Variants in GSG1L observed in about 807,000 individuals in gnomAD.
The protein encoded by GSG1L is GSG1 like, also known as germ cell-specific gene 1-like protein.
A neutral mutation model predicts 42.1 loss-of-function variants in GSG1L; 24 were observed. That is an observed-to-expected ratio of 0.57 (90% CI 0.41 to 0.80). The LOEUF (loss-of-function observed/expected upper bound fraction) is 0.80. Among genes scored for constraint, GSG1L ranks in the 30% least tolerant of loss-of-function variants. The probability of loss-of-function intolerance (pLI) is 0.00; values close to 1 mark genes in which losing one functional copy is unlikely to be tolerated. For missense variants in GSG1L, 445 were observed against 472.2 expected (o/e 0.94, Z 0.53); for synonymous variants, 215 against 203.5 (o/e 1.06, Z -0.48).
chr16:28,002,971 A>G (rs1030006700), intron 1 of GSG1L, among the ~76,000 whole-genome samples: 3 of 152,178 alleles, frequency 2.0e-5, no homozygotes, highest in Non-Finnish European at 4.4e-5. Flanking sequence ...AAACAAAAAA[A>G]GATCCAGGGG....
chr16:27,992,954 A>C (rs1189092889), intron 1 of GSG1L, among the ~76,000 whole-genome samples: 1 of 152,214 alleles, frequency 6.6e-6, no homozygotes, highest in African/African-American at 2.4e-5. Context: ...GAAAATAATA[A>C]CAGCTAATGT....
intron 3 of GSG1L, among the ~76,000 whole-genome samples, chr16:27,867,377 G>A (rs2083741492): frequency 6.6e-6 from 1 of 152,202 alleles, no homozygotes; most frequent in African/African-American, 2.4e-5. Flanking sequence ...TGAGATGCCT[G>A]AGTAAAGGAC....
At chr16:28,007,213 T>C (rs1259335154) in intron 1 of GSG1L, among the ~76,000 whole-genome samples, 1 of 152,096 alleles carries the variant, frequency 6.6e-6, no homozygotes, top group Non-Finnish European at 1.5e-5. Context: ...ATTATCCAGG[T>C]GGGTCCGAAG....
intron 2 of GSG1L, among the ~76,000 whole-genome samples, chr16:27,888,511 CT>C (rs1407385375): frequency 7.1e-5 from 1 of 14,128 alleles, no homozygotes; most frequent in African/African-American, 2.2e-4. Context: ...TTCTTTCTTT[CT>C]TTCTTTCTTT....
chr16:27,923,300 C>T (rs755849956), intron 2 of GSG1L, among the ~76,000 whole-genome samples: 9 of 152,152 alleles, frequency 5.9e-5, no homozygotes, highest in East Asian at 1.9e-4. Flanking sequence ...CCCTGTACCC[C>T]GAGAAGGCTC....
At chr16:27,924,952 C>T (rs928172016) in intron 2 of GSG1L, among the ~76,000 whole-genome samples, 11 of 152,308 alleles carry the variant, frequency 7.2e-5, no homozygotes, top group South Asian at 4.1e-4. Flanking sequence ...CCGGATCACA[C>T]GCCTACTTCT....
intron 4 of GSG1L, among the ~76,000 whole-genome samples, chr16:27,842,444 G>C (rs970403061): frequency 6.6e-6 from 1 of 152,170 alleles, no homozygotes; most frequent in African/African-American, 2.4e-5. Flanking sequence ...GTGCCTCCAT[G>C]AAATACCTAC....
chr16:27,917,827 C>T (rs1262918243), intron 2 of GSG1L, among the ~76,000 whole-genome samples: 3 of 152,132 alleles, frequency 2.0e-5, no homozygotes, highest in Non-Finnish European at 4.4e-5. Context: ...CACAGCTAGA[C>T]GGAGGACTCG....
At chr16:27,875,371 TC>T (rs1214971275) in intron 3 of GSG1L, among the ~76,000 whole-genome samples, 3 of 152,152 alleles carry the variant, frequency 2.0e-5, no homozygotes, top group Admixed American at 6.5e-5. Flanking sequence ...CCCTTTAATG[TC>T]TTTCCTCCCT....
intron 3 of GSG1L, among the ~76,000 whole-genome samples, chr16:27,864,613 G>T (rs2141003134): frequency 6.6e-6 from 1 of 152,332 alleles, no homozygotes; most frequent in South Asian, 2.1e-4. Flanking sequence ...ATTACAGAAT[G>T]ACCTTTAGAA....
intron 1 of GSG1L, among the ~76,000 whole-genome samples, chr16:28,041,075 C>T (rs138100086): frequency 2.6e-5 from 4 of 152,176 alleles, no homozygotes; most frequent in Non-Finnish European, 2.9e-5. Flanking sequence ...TAAGGTCACA[C>T]GGAGGTAGCA....
chr16:27,986,308 T>C (rs1287743227), intron 1 of GSG1L, among the ~76,000 whole-genome samples: 3 of 152,126 alleles, frequency 2.0e-5, no homozygotes, highest in Non-Finnish European at 4.4e-5. Flanking sequence ...GAGACCAGCC[T>C]GGACAATATG....
chr16:27,839,234 G>A (rs1216529215), intron 4 of GSG1L, among the ~76,000 whole-genome samples: 4 of 152,316 alleles, frequency 2.6e-5, no homozygotes, highest in South Asian at 4.1e-4. Context: ...CACTAGGACA[G>A]GAGTGAGAAC....
rs183886209 is a variant in GSG1L at position 28,044,274 on chromosome 16, G to A, written c.349+18802C>T. Among the ~76,000 whole-genome samples, 7 of 152,024 alleles carry A rather than the reference G, an allele frequency of 4.6e-5. No homozygotes were observed. In the East Asian group the frequency reaches 1.4e-3, roughly 30 times the overall value. Reference sequence around the variant, plus strand: ...CGCCTGTAATCCCAGCACTTTGGGAGGCCAAAGCAGGAGGATGGGAAAGAG... The same window carrying A: ...CGCCTGTAATCCCAGCACTTTGGGAAGCCAAAGCAGGAGGATGGGAAAGAG... On this transcript the variant is annotated intron_variant, in intron 1 of 6. Transcript: ENST00000447459.
At chr16:27,887,785 CTT>C (rs1267458991) in intron 2 of GSG1L, among the ~76,000 whole-genome samples, 1 of 152,142 alleles carries the variant, frequency 6.6e-6, no homozygotes, top group South Asian at 2.1e-4. Flanking sequence ...CTCTTCTTCC[CTT>C]TTTTTCTTTT....
intron 1 of GSG1L, among the ~76,000 whole-genome samples, chr16:28,017,473 C>T (rs1056075982): frequency 7.9e-5 from 12 of 152,154 alleles, no homozygotes; most frequent in African/African-American, 2.2e-4. Flanking sequence ...CAAAGGAATC[C>T]GTGCCAGAGC....
At chr16:27,926,671 A>G (rs1293209252) in intron 2 of GSG1L, among the ~76,000 whole-genome samples, 2 of 152,234 alleles carry the variant, frequency 1.3e-5, no homozygotes, top group Non-Finnish European at 2.9e-5. Flanking sequence ...CCTGGGCGAC[A>G]GAGCGAGACT....
At chr16:28,044,292 G>GGAAAGAGA (rs1189185632) in intron 1 of GSG1L, among the ~76,000 whole-genome samples, 4 of 148,004 alleles carry the variant, frequency 2.7e-5, no homozygotes, top group Non-Finnish European at 4.5e-5. Context: ...CAGGAGGATG[G>GGAAAGAGA]GAAAGAGAGA....
At chr16:27,860,539 T>C (rs974356987) in intron 3 of GSG1L, among the ~76,000 whole-genome samples, 2 of 152,162 alleles carry the variant, frequency 1.3e-5, no homozygotes, top group East Asian at 1.9e-4. Flanking sequence ...CAGAGACAAA[T>C]TGTGGGTAAA....
Sources: allele counts gnomAD v4.1 joint callset (sites outside exome capture counted in the v4.1 genomes callset), GRCh38; gene constraint gnomAD v4.1.1; transcripts MANE v1.5; gene names NCBI Gene and HGNC (gene_info 2026-07-23, HGNC 2026-07-21).